EPB41L3: variants seen among roughly 807,000 people sequenced by gnomAD.
The protein encoded by EPB41L3 is erythrocyte membrane protein band 4.1 like 3, also known as band 4.1-like protein 3.
Under a neutral mutation model 127.1 loss-of-function variants are expected in EPB41L3, and 57 were observed. That is an observed-to-expected ratio of 0.45 (90% CI 0.36 to 0.56). The LOEUF (loss-of-function observed/expected upper bound fraction) is 0.56, where lower values mean the gene tolerates loss of function less well. EPB41L3 is among the 20% of genes least tolerant of loss of function. EPB41L3 has a pLI of 0.00. For synonymous variants in EPB41L3, 572 were observed against 549.5 expected, an observed-to-expected ratio of 1.04 and a Z score of -0.57; for missense variants, 1,273 against 1,372.2, an observed-to-expected ratio of 0.93 and a Z score of 1.14.
Position 5,489,097 on chromosome 18 carries a change from C to CGCGCGCCCCT in EPB41L3, c.77_86dup (p.Pro32ArgfsTer36). 1 of 1,595,944 alleles carries CGCGCGCCCCT rather than the reference C, an allele frequency of 6.3e-7. No individual in the cohort carries two copies. The highest frequency in any genetic ancestry group is 8.5e-7 in the Non-Finnish European group (1 of 1,174,850). On this transcript the variant is annotated frameshift_variant, in exon 2 of 23. Coordinates refer to ENST00000341928, the MANE Select transcript of EPB41L3 (RefSeq NM_012307.5). LOFTEE classifies it high-confidence loss of function. ...TGGGCGGCTCCGGCACGGGCGCCCC[C>CGCGCGCCCCT]GCGCGCCCCTGCGCCCCCGCCGCCT...
chr18:5,422,218 A>T (rs964918752), intron 11 of EPB41L3, among the ~76,000 whole-genome samples: 2 of 152,162 alleles, frequency 1.3e-5, no homozygotes, highest in African/African-American at 4.8e-5. Flanking sequence ...CCACAAGAGT[A>T]CAGTTTCCAC....
Position 5,421,173 on chromosome 18 carries a change from T to G in EPB41L3, c.1340-1296A>C, listed in dbSNP as rs151010281. On this transcript the variant is annotated intron_variant, in intron 11 of 22. Coordinates refer to ENST00000341928, the MANE Select transcript of EPB41L3 (RefSeq NM_012307.5). The stretch of plus-strand genomic sequence containing the variant: ...CAGGGAGAAAGAGACAGCATGACAT[T>G]AGTACACTGATTTCACAATTGTCTT... Among the ~76,000 whole-genome samples, 534 of 152,268 alleles carry G rather than the reference T, an allele frequency of 3.5e-3. 3 individuals are homozygous for G. Among genetic ancestry groups the G allele is most frequent in the African/African-American group, 0.012 (480 of 41,548 alleles).
intron 1 of EPB41L3, among the ~76,000 whole-genome samples, chr18:5,509,802 A>C (rs757934749): frequency 2.0e-5 from 3 of 152,208 alleles, no homozygotes; most frequent in Non-Finnish European, 4.4e-5. Flanking sequence ...GGATAGGAAA[A>C]TAGGAGACTT....
chr18:5,490,387 C>T (rs1355874375), intron 1 of EPB41L3, among the ~76,000 whole-genome samples: 8 of 152,084 alleles, frequency 5.3e-5, no homozygotes, highest in African/African-American at 1.9e-4. Flanking sequence ...AAACTAGTAA[C>T]TCTTAGTTCC....
intron 3 of EPB41L3, among the ~76,000 whole-genome samples, chr18:5,472,479 T>C (rs1225645664): frequency 1.1e-4 from 16 of 152,124 alleles, no homozygotes; most frequent in Admixed American, 1.0e-3. Flanking sequence ...TGGAGGAGGG[T>C]GGCATGTTAT....
chr18:5,476,405 AAAAT>A (rs1248739596), intron 3 of EPB41L3, among the ~76,000 whole-genome samples: 1 of 152,220 alleles, frequency 6.6e-6, no homozygotes, highest in Non-Finnish European at 1.5e-5. Context: ...AGGTAAGTAA[AAAAT>A]AAAAAATTTG....
intron 3 of EPB41L3, among the ~76,000 whole-genome samples, chr18:5,462,279 CA>C (rs1599266355): frequency 6.6e-6 from 1 of 152,130 alleles, no homozygotes; most frequent in Non-Finnish European, 1.5e-5. Flanking sequence ...CCACTTTGTA[CA>C]GCTGAAATTC....
chr18:5,518,559 G>A (rs541243075), intron 1 of EPB41L3: 1 of 152,200 alleles, frequency 6.6e-6, no homozygotes, highest in Non-Finnish European at 1.5e-5. Context: ...GCAGGGGTTT[G>A]TATCTGCTTG....
At chr18:5,605,020 C>T (rs1349006383) in intron 3 of EPB41L3, among the ~76,000 whole-genome samples, 1 of 152,144 alleles carries the variant, frequency 6.6e-6, no homozygotes, top group Non-Finnish European at 1.5e-5. Context: ...CTGCCGAAGA[C>T]AACTGCTTAC....
intron 9 of EPB41L3, among the ~76,000 whole-genome samples, chr18:5,426,239 A>G (rs1215970601): frequency 6.6e-6 from 1 of 152,196 alleles, no homozygotes; most frequent in Non-Finnish European, 1.5e-5. Flanking sequence ...TTCCTATGCA[A>G]GAGTTACTCC....
At chr18:5,594,799 C>T (rs774493381) in intron 3 of EPB41L3, among the ~76,000 whole-genome samples, 1 of 152,240 alleles carries the variant, frequency 6.6e-6, no homozygotes, top group Non-Finnish European at 1.5e-5. Flanking sequence ...TCACACAGCC[C>T]TATTTCTTCT....
intron 3 of EPB41L3, among the ~76,000 whole-genome samples, chr18:5,563,999 C>T (rs978048661): frequency 4.6e-5 from 7 of 152,052 alleles, no homozygotes; most frequent in East Asian, 3.9e-4. Context: ...GTTGAACAAG[C>T]GCTGTCTTGA....
chr18:5,548,873 C>T (rs2093924239), upstream of EPB41L3, among the ~76,000 whole-genome samples: 2 of 152,158 alleles, frequency 1.3e-5, no homozygotes, highest in Admixed American at 6.5e-5. Flanking sequence ...ATTCAGCTCT[C>T]AACCACATGA....
Position 5,489,092 on chromosome 18 carries a change from GC to G in EPB41L3, c.91del (p.Ala31ArgfsTer52), listed in dbSNP as rs752617849. 26 of 1,590,632 alleles carry G rather than the reference GC, an allele frequency of 1.6e-5. No homozygotes were observed. Among genetic ancestry groups the G allele is most frequent in the Non-Finnish European group, 2.0e-5 (23 of 1,173,034 alleles). ...CTCCTTGGGCGGCTCCGGCACGGGC[GC>G]CCCCGCGCGCCCCTGCGCCCCCGCC... ...EAAGAQGRAG[A>X]PVPEPPKEEQ... On this transcript the variant is annotated frameshift_variant, in exon 2 of 23. Transcript: ENST00000341928. LOFTEE classifies it high-confidence loss of function.
intron 1 of EPB41L3, among the ~76,000 whole-genome samples, chr18:5,517,668 C>A (rs188606191): frequency 6.6e-6 from 1 of 152,242 alleles, no homozygotes; most frequent in East Asian, 1.9e-4. Flanking sequence ...GAACTCCTGA[C>A]CTCAAGCAAT....
chr18:5,547,291 TGTG>T (rs547892235), upstream of EPB41L3, among the ~76,000 whole-genome samples: 11 of 152,296 alleles, frequency 7.2e-5, no homozygotes, highest in South Asian at 2.3e-3. Context: ...TAACCCCCCT[TGTG>T]GTGCTGTTTC....
chr18:5,525,348 A>C (rs1437370910), intron 1 of EPB41L3, among the ~76,000 whole-genome samples: 1 of 152,230 alleles, frequency 6.6e-6, no homozygotes, highest in Non-Finnish European at 1.5e-5. Flanking sequence ...CAAACTCTAC[A>C]AAGAATAGTA....
At chr18:5,528,777 T>C (rs1169532116) in intron 1 of EPB41L3, among the ~76,000 whole-genome samples, 1 of 151,940 alleles carries the variant, frequency 6.6e-6, no homozygotes, top group Non-Finnish European at 1.5e-5. Context: ...TTTGTATTTT[T>C]AGTAGAGATG....
chr18:5,581,969 C>T (rs1267591741), intron 3 of EPB41L3, among the ~76,000 whole-genome samples: 1 of 152,126 alleles, frequency 6.6e-6, no homozygotes, highest in Non-Finnish European at 1.5e-5. Flanking sequence ...TGCTCTCCAG[C>T]CTGGGTGTCA....
Sources: gnomAD v4.1 joint callset for allele counts (sites outside exome capture counted in the v4.1 genomes callset) on GRCh38, gnomAD v4.1.1 for gene constraint, MANE v1.5 for transcripts, NCBI Gene and HGNC (gene_info 2026-07-23, HGNC 2026-07-21) for gene names.